NUFIP1: variants seen among roughly 807,000 people sequenced by gnomAD.
The protein encoded by NUFIP1 is FMR1-interacting protein NUFIP1.
In NUFIP1, 38 loss-of-function variants were observed where a neutral mutation model predicts 56.2. The observed-to-expected ratio is 0.68, with a 90% CI of 0.52 to 0.89. NUFIP1 has a LOEUF of 0.89. Among genes scored for constraint, NUFIP1 ranks in the 40% least tolerant of loss-of-function variants. NUFIP1 has a pLI of 0.00. For missense variants in NUFIP1, 567 were observed against 605.8 expected (o/e 0.94, Z 0.67); for synonymous variants, 215 against 212.4 (o/e 1.01, Z -0.10).
intron 5 of NUFIP1, among the ~76,000 whole-genome samples, chr13:44,973,550 G>A (rs180717596): frequency 2.0e-5 from 3 of 152,206 alleles, no homozygotes; most frequent in Admixed American, 2.0e-4. Context: ...TGGCACTATG[G>A]GATAGAAGCA....
chr13:44,977,910 G>C (rs915115299), intron 5 of NUFIP1, among the ~76,000 whole-genome samples: 2 of 152,162 alleles, frequency 1.3e-5, no homozygotes, highest in African/African-American at 4.8e-5. Context: ...CTAGCCAGGT[G>C]TGGGGGTGCA....
intron 5 of NUFIP1, among the ~76,000 whole-genome samples, chr13:44,975,775 T>G (rs1216797465): frequency 1.3e-5 from 2 of 152,184 alleles, no homozygotes; most frequent in Non-Finnish European, 2.9e-5. Context: ...CAGAGGATAG[T>G]GGGAGAGTGA....
chr13:44,967,114 T>C (rs915609638), intron 5 of NUFIP1, among the ~76,000 whole-genome samples: 1 of 151,724 alleles, frequency 6.6e-6, no homozygotes, highest in Admixed American at 6.6e-5. Flanking sequence ...AGGGGTGGAA[T>C]GGAAAGACTA....
intron 5 of NUFIP1, among the ~76,000 whole-genome samples, chr13:44,978,052 A>T (rs562607060): frequency 6.6e-6 from 1 of 152,282 alleles, no homozygotes; most frequent in African/African-American, 2.4e-5. Flanking sequence ...CTCAAAAAAA[A>T]ATTGAATTCC....
chr13:44,941,477 A>G (rs1870734352), intron 9 of NUFIP1, among the ~76,000 whole-genome samples, 155 bp from the exon 10 acceptor site: 1 of 152,148 alleles, frequency 6.6e-6, no homozygotes, highest in Non-Finnish European at 1.5e-5. Context: ...ATGCAAGAAC[A>G]TGTCCTTTTA....
chr13:44,949,121 T>C (rs991958417), intron 8 of NUFIP1, among the ~76,000 whole-genome samples: 1 of 152,180 alleles, frequency 6.6e-6, no homozygotes, highest in African/African-American at 2.4e-5. Context: ...GAATTTTCTT[T>C]TTGCCATTTC....
At chr13:44,984,765 T>C (rs544272225) in intron 1 of NUFIP1, among the ~76,000 whole-genome samples, 13 of 152,328 alleles carry the variant, frequency 8.5e-5, no homozygotes, top group African/African-American at 2.9e-4. Context: ...ATGTGCAGGT[T>C]AGTTACATAT....
At chr13:44,956,316 A>G (rs1040424522) in intron 7 of NUFIP1, among the ~76,000 whole-genome samples, 6 of 152,058 alleles carry the variant, frequency 3.9e-5, no homozygotes, top group African/African-American at 9.7e-5. Context: ...CCTGCAGTGA[A>G]AAGTTAAAGA....
intron 5 of NUFIP1, among the ~76,000 whole-genome samples, chr13:44,973,920 A>C (rs948913708): frequency 1.3e-5 from 2 of 152,246 alleles, no homozygotes; most frequent in African/African-American, 4.8e-5. Context: ...CCCTATAAGC[A>C]AATAATATGG....
chr13:44,955,791 A>G (rs560826954), intron 7 of NUFIP1, among the ~76,000 whole-genome samples: 11 of 151,882 alleles, frequency 7.2e-5, no homozygotes, highest in African/African-American at 2.7e-4. Context: ...CTTGGGCCAC[A>G]CATAAAATAT....
At chr13:44,970,337 T>A (rs1453137634) in intron 5 of NUFIP1, among the ~76,000 whole-genome samples, 1 of 152,162 alleles carries the variant, frequency 6.6e-6, no homozygotes, top group African/African-American at 2.4e-5. Context: ...GATGTAGAAG[T>A]AAGGACAAAG....
chr13:44,956,242 G>A (rs1566058153), intron 7 of NUFIP1, among the ~76,000 whole-genome samples: 1 of 151,410 alleles, frequency 6.6e-6, no homozygotes, highest in Admixed American at 6.6e-5. Flanking sequence ...CAGTCCATGG[G>A]CCATGGTTTG....
At chr13:44,978,296 G>A (rs531553042) in intron 5 of NUFIP1, among the ~76,000 whole-genome samples, 3 of 152,252 alleles carry the variant, frequency 2.0e-5, no homozygotes, top group South Asian at 2.1e-4. Context: ...AAACTAAGGC[G>A]AGCCAAGTAC....
intron 6 of NUFIP1, among the ~76,000 whole-genome samples, chr13:44,960,318 G>C (rs1871381281): frequency 1.3e-5 from 2 of 152,006 alleles, no homozygotes; most frequent in Non-Finnish European, 2.9e-5. Context: ...GCCCAGGCTG[G>C]AGTGCAATGG....
chr13:44,973,416 C>T (rs1490359269), intron 5 of NUFIP1, among the ~76,000 whole-genome samples: 1 of 152,196 alleles, frequency 6.6e-6, no homozygotes, highest in South Asian at 2.1e-4. Context: ...TTTATAAATA[C>T]AAGTCTCAGT....
chr13:44,982,446 T>C (rs1872227720), intron 1 of NUFIP1, among the ~76,000 whole-genome samples: 1 of 152,164 alleles, frequency 6.6e-6, no homozygotes, highest in Non-Finnish European at 1.5e-5. Context: ...TTTCAAATAT[T>C]AGAAATGTAA....
At chr13:44,945,086 G>A (rs572877893) in intron 8 of NUFIP1, among the ~76,000 whole-genome samples, 65 of 151,906 alleles carry the variant, frequency 4.3e-4, no homozygotes, top group Non-Finnish European at 7.1e-4. Flanking sequence ...AACAAAACCA[G>A]AAGTTGGTTC....
chr13:44,956,626 A>C (rs370263926), intron 7 of NUFIP1, among the ~76,000 whole-genome samples: 2 of 152,184 alleles, frequency 1.3e-5, no homozygotes, highest in East Asian at 3.8e-4. Flanking sequence ...TTCTCATAAG[A>C]AGCACACAAC....
At chr13:44,985,479 C>T (rs1213579142) in intron 1 of NUFIP1, among the ~76,000 whole-genome samples, 3 of 152,188 alleles carry the variant, frequency 2.0e-5, no homozygotes, top group African/African-American at 7.2e-5. Flanking sequence ...AGCTAAGGGT[C>T]TGCGGCAACC....
Sources: gnomAD v4.1 joint callset for allele counts (sites outside exome capture counted in the v4.1 genomes callset) on GRCh38, gnomAD v4.1.1 for gene constraint, MANE v1.5 for transcripts, NCBI Gene and HGNC (gene_info 2026-07-23, HGNC 2026-07-21) for gene names.